The following COL7A1 variants were observed in gnomAD, a reference collection of about 807,000 sequenced individuals.
COL7A1 encodes the protein collagen type VII alpha 1 chain.
In COL7A1, 296 loss-of-function variants were observed where a neutral mutation model predicts 456.2. The observed-to-expected ratio is 0.65, with a 90% CI of 0.59 to 0.71. The LOEUF is 0.71. Among genes scored for constraint, COL7A1 ranks in the 30% least tolerant of loss-of-function variants. The pLI is 0.00. For synonymous variants in COL7A1, 1,464 were observed against 1,525.9 expected (o/e 0.96, Z 0.95); for missense variants, 3,441 against 4,017.2 (o/e 0.86, Z 3.88).
rs2045373000 is a variant in COL7A1, at chr3:48,587,681, G to C, written c.2857+112C>G. 2 of 1,594,384 alleles carry C rather than the reference G, an allele frequency of 1.3e-6. No individual in the cohort carries two copies. Among genetic ancestry groups the C allele is most frequent in the Admixed American group, 1.7e-5 (1 of 59,964 alleles). ...TGGGAGGTCATGCTGGGGTCACCCA[G>C]GGTCAGAGGGTGAGGGGTAGGGGTA... On this transcript the variant is annotated intron_variant, in intron 22 of 118. Coordinates refer to ENST00000681320, the MANE Select transcript of COL7A1 (RefSeq NM_000094.4). This position sits in a 1 kb window ranked among gnomAD's most constrained non-coding sequence, Gnocchi z 6.1.
In COL7A1 at chr3:48,574,942, C is replaced by G. The variant is rs879157051; in HGVS notation, c.6280-77G>C. 5 of 1,592,426 alleles carry G rather than the reference C, an allele frequency of 3.1e-6. No individual in the cohort carries two copies. In the South Asian group the frequency reaches 5.5e-5, roughly 18 times the overall value. On this transcript the variant is annotated intron_variant, in intron 76 of 118. Transcript: ENST00000681320. This position sits in a 1 kb window ranked among gnomAD's most constrained non-coding sequence, Gnocchi z 5.0. Reference sequence around the variant, plus strand: ...GGAGTCATCACAGATCTCAGGATCACAGAGGGTTATAGGGTCAGAAATTCC... The same window carrying G: ...GGAGTCATCACAGATCTCAGGATCAGAGAGGGTTATAGGGTCAGAAATTCC...
rs964417236 is a variant in COL7A1, at chr3:48,590,334, C to T, written c.1929G>A (p.Leu643=). 6.2e-7 allele frequency: 1 copy of T among 1,613,946 alleles called. No homozygotes were observed. The highest frequency in any genetic ancestry group is 1.7e-5 in the Admixed American group (1 of 59,992). ...TGSGPESSQT[L]PPDSTATDIT... is the part of the protein sequence containing the mutation. ...TGTCTGTGGCAGTAGAGTCTGGGGG[C>T]AGTGTCTGGCTGGACTCCGGACCTG... Residue 643 remains leucine (L), a synonymous_variant, in exon 16 of 119, where the codon CTG becomes CTA. Coordinates refer to ENST00000681320, the MANE Select transcript of COL7A1 (RefSeq NM_000094.4). The surrounding 1 kb of genome is among the most constrained non-coding windows in gnomAD (Gnocchi z 4.6).
rs758474433 is a variant in COL7A1, at chr3:48,564,362, C to T, written c.*44G>A. On this transcript the variant is annotated 3_prime_UTR_variant, in exon 119 of 119. Coordinates refer to ENST00000681320, the MANE Select transcript of COL7A1 (RefSeq NM_000094.4). This position sits in a 1 kb window ranked among gnomAD's most constrained non-coding sequence, Gnocchi z 6.0. ...GGACAGTGGGGTTCTGCTGAGACCC[C>T]GACTCCTCCAGGGGATGCTGAATCT... is the stretch of plus-strand genomic sequence containing the variant. 3 of 1,612,756 alleles carry T rather than the reference C, an allele frequency of 1.9e-6. No homozygotes were observed. The highest frequency in any genetic ancestry group is 2.2e-5 in the South Asian group (2 of 90,982).
At position 48,566,809 on chromosome 3, in the gene COL7A1, C is replaced by T; in HGVS notation, c.8227-72G>A. On this transcript the variant is annotated intron_variant, in intron 111 of 118. Transcript: ENST00000681320. The surrounding 1 kb of genome is among the most constrained non-coding windows in gnomAD (Gnocchi z 5.9). Reference sequence around the variant, plus strand: ...TCAGAGTCAGGCAGGTTGGGGGCCACAGCTTCAGAGGTTGGGGCAGGCAGG... The same window carrying T: ...TCAGAGTCAGGCAGGTTGGGGGCCATAGCTTCAGAGGTTGGGGCAGGCAGG... The T allele has an allele frequency of 6.3e-7, 1 of 1,597,196 alleles. No individual in the cohort carries two copies. Among genetic ancestry groups the T allele is most frequent in the Non-Finnish European group, 8.6e-7 (1 of 1,166,702 alleles).
rs745574548 is a variant in COL7A1 at position 48,573,317 on chromosome 3, C to T, written c.6650G>A (p.Arg2217Gln). ...GEPGETGPPG[R>Q]GLTGPTGAVG... ...TAACCTGTGAGCTAGGCCACTCACC[C>T]GTCCTGGAGGTCCTGTCTCTCCAGG... The change falls in exon 84 of 119, where the codon CGG (arginine) becomes CAG (glutamine). Residue 2217 changes from arginine (R) to glutamine (Q), a missense_variant and splice_region_variant. Coordinates refer to ENST00000681320, the MANE Select transcript of COL7A1 (RefSeq NM_000094.4). The surrounding 1 kb of genome is among the most constrained non-coding windows in gnomAD (Gnocchi z 5.5). The T allele has an allele frequency of 2.2e-5, 36 of 1,613,904 alleles. No homozygotes were observed. Among genetic ancestry groups the T allele is most frequent in the South Asian group, 1.4e-4 (13 of 91,086 alleles).
Position 48,594,252 on chromosome 3 carries a change from C to G in COL7A1, c.266+116G>C, listed in dbSNP as rs1388234138. The G allele has an allele frequency of 2.8e-5, 35 of 1,244,764 alleles. No homozygotes were observed. Among genetic ancestry groups the G allele is most frequent in the Non-Finnish European group, 3.5e-5 (31 of 879,392 alleles). 77.1% of individuals were successfully genotyped at this position (1,244,764 alleles called of 1,614,324 possible). Reference sequence around the variant, plus strand: ...GTCCTGGCTAGGGGGTCTCTAGGTTCCCCAAAACTTGTTTCTGCAAAGACC... The same window carrying G: ...GTCCTGGCTAGGGGGTCTCTAGGTTGCCCAAAACTTGTTTCTGCAAAGACC... On this transcript the variant is annotated intron_variant, in intron 3 of 118. Coordinates refer to ENST00000681320, the MANE Select transcript of COL7A1 (RefSeq NM_000094.4). This position sits in a 1 kb window ranked among gnomAD's most constrained non-coding sequence, Gnocchi z 5.5.
At position 48,564,431 on chromosome 3, in the gene COL7A1, G is replaced by A. The variant is rs1226656124; in HGVS notation, c.8819-9C>T. The A allele has an allele frequency of 6.2e-7, 1 of 1,613,914 alleles. No individual in the cohort carries two copies. Among genetic ancestry groups the A allele is most frequent in the Non-Finnish European group, 8.5e-7 (1 of 1,179,962 alleles). ...TCAGTCCTGGGCAGTACCTGGTGAGGACAGGTTGGAAACGGTCGTCAGCCA... is the reference window on the plus strand; with the variant it reads ...TCAGTCCTGGGCAGTACCTGGTGAGAACAGGTTGGAAACGGTCGTCAGCCA... On this transcript the variant is annotated splice_polypyrimidine_tract_variant and intron_variant, in intron 118 of 118. Coordinates refer to ENST00000681320, the MANE Select transcript of COL7A1 (RefSeq NM_000094.4). The surrounding 1 kb of genome is among the most constrained non-coding windows in gnomAD (Gnocchi z 6.0).
chr3:48,564,729 C>G lies in COL7A1; in HGVS notation c.8818+54G>C, dbSNP rs927182737. On this transcript the variant is annotated intron_variant, in intron 118 of 118. Transcript: ENST00000681320. This position sits in a 1 kb window ranked among gnomAD's most constrained non-coding sequence, Gnocchi z 6.0. ...GGCCCAAGGACTCCTCCCCCAGAACCCGATCCAGGCAGGCTCAGTGCCCAG... is the reference window on the plus strand; with the variant it reads ...GGCCCAAGGACTCCTCCCCCAGAACGCGATCCAGGCAGGCTCAGTGCCCAG... 2.5e-6 allele frequency: 4 copies of G among 1,575,644 alleles called. No individual in the cohort carries two copies. The African/African-American group carries it at 5.4e-5, about 21-fold the overall frequency.
Position 48,587,400 on chromosome 3 carries a change from A to C in COL7A1, c.2992+20T>G, listed in dbSNP as rs1442686992. On this transcript the variant is annotated intron_variant, in intron 23 of 118. Transcript: ENST00000681320. This position sits in a 1 kb window ranked among gnomAD's most constrained non-coding sequence, Gnocchi z 6.1. The stretch of plus-strand genomic sequence containing the variant: ...AGAGCCCCAACTGCCAGCCCACCCA[A>C]ATCCTGGCCTCCCCCTCACCCTGGC... The C allele has an allele frequency of 1.2e-6, 2 of 1,612,864 alleles. No homozygotes were observed. The highest frequency in any genetic ancestry group is 3.3e-5 in the Admixed American group (2 of 59,978).
In COL7A1 at chr3:48,574,553, G is replaced by A. The variant is rs777497919; in HGVS notation, c.6394-3C>T. On this transcript the variant is annotated splice_region_variant and splice_polypyrimidine_tract_variant and intron_variant, in intron 78 of 118. Coordinates refer to ENST00000681320, the MANE Select transcript of COL7A1 (RefSeq NM_000094.4). The surrounding 1 kb of genome is among the most constrained non-coding windows in gnomAD (Gnocchi z 5.0). ...TCTCCTTTGATGCCTGGCACACCCTGAAGGCAGAGTGTCGTGCCCTGAGCC... is the reference window on the plus strand; with the variant it reads ...TCTCCTTTGATGCCTGGCACACCCTAAAGGCAGAGTGTCGTGCCCTGAGCC... The A allele has an allele frequency of 6.2e-7, 1 of 1,613,926 alleles. No individual in the cohort carries two copies. Among genetic ancestry groups the A allele is most frequent in the South Asian group, 1.1e-5 (1 of 91,086 alleles).
chr3:48,587,421 C>T lies in COL7A1; in HGVS notation c.2991G>A (p.Gln997=). The T allele has an allele frequency of 6.2e-7, 1 of 1,613,258 alleles. No individual in the cohort carries two copies. The highest frequency in any genetic ancestry group is 8.5e-7 in the Non-Finnish European group (1 of 1,180,010). ...CCCAAATCCTGGCCTCCCCCTCACC[C>T]TGGCCAGGGCCTCTGAGTGGCCGCC... ...LSWRPLRGPG[Q]EVPGSPQTLP... The change falls in exon 23 of 119, where the codon CAG becomes CAA. Residue 997 remains glutamine (Q), a splice_region_variant and synonymous_variant. Transcript: ENST00000681320. The surrounding 1 kb of genome is among the most constrained non-coding windows in gnomAD (Gnocchi z 6.1).
Position 48,591,640 on chromosome 3 carries a change from C to T in COL7A1, c.1507+33G>A, listed in dbSNP as rs1357142373. The T allele has an allele frequency of 1.2e-6, 2 of 1,613,658 alleles. No homozygotes were observed. Among genetic ancestry groups the T allele is most frequent in the Non-Finnish European group, 1.7e-6 (2 of 1,180,010 alleles). ...GGCAGCCTGGGGCTCCGACACCTCC[C>T]CCACTCACTGGCCCAGCCCACAGAG... is the stretch of plus-strand genomic sequence containing the variant. On this transcript the variant is annotated intron_variant, in intron 12 of 118. Coordinates refer to ENST00000681320, the MANE Select transcript of COL7A1 (RefSeq NM_000094.4). This position sits in a 1 kb window ranked among gnomAD's most constrained non-coding sequence, Gnocchi z 7.0.
In COL7A1 at chr3:48,567,254, G is replaced by A. The variant is rs1181928897; in HGVS notation, c.8047-64C>T. 2 of 1,589,008 alleles carry A rather than the reference G, an allele frequency of 1.3e-6. No individual in the cohort carries two copies. Among genetic ancestry groups the A allele is most frequent in the African/African-American group, 2.7e-5 (2 of 74,400 alleles). On this transcript the variant is annotated intron_variant, in intron 109 of 118. Coordinates refer to ENST00000681320, the MANE Select transcript of COL7A1 (RefSeq NM_000094.4). This position sits in a 1 kb window ranked among gnomAD's most constrained non-coding sequence, Gnocchi z 4.3. Reference sequence around the variant, plus strand: ...CCTCCCTCAGCTCTGGAACCTCCCTGAACTCCCATGAGCTCCCTGGCCTAA... The same window carrying A: ...CCTCCCTCAGCTCTGGAACCTCCCTAAACTCCCATGAGCTCCCTGGCCTAA...
Position 48,570,641 on chromosome 3 carries a change from C to T in COL7A1, c.7342G>A (p.Val2448Met). The T allele has an allele frequency of 6.2e-7, 1 of 1,604,034 alleles. No individual in the cohort carries two copies. Among genetic ancestry groups the T allele is most frequent in the Non-Finnish European group, 8.5e-7 (1 of 1,174,696 alleles). ...PLGPPGPPGS[V>M]GPPGASGLKG... ...GGCTTTAGGGCACCTCTACTCACCA[C>T]TGACCCCGGTGGTCCAGGTGGCCCC... Residue 2448 changes from valine to methionine, a missense_variant and splice_region_variant, in exon 96 of 119, where the codon GTG becomes ATG. By Grantham distance (21) the Val-to-Met change is conservative. Coordinates refer to ENST00000681320, the MANE Select transcript of COL7A1 (RefSeq NM_000094.4). This position sits in a 1 kb window ranked among gnomAD's most constrained non-coding sequence, Gnocchi z 5.5.
rs749395019 is a variant in COL7A1, at chr3:48,565,098, C to G, written c.8620+11G>C. On this transcript the variant is annotated intron_variant, in intron 117 of 118. Transcript: ENST00000681320. The surrounding 1 kb of genome is among the most constrained non-coding windows in gnomAD (Gnocchi z 4.5). ...CCTCCCCAGACCCCGCTGGCAGCCC[C>G]CCATTCTCACCATCACTATCCCAAG... The G allele has an allele frequency of 6.2e-7, 1 of 1,613,888 alleles. No homozygotes were observed. The highest frequency in any genetic ancestry group is 8.5e-7 in the Non-Finnish European group (1 of 1,179,756).
chr3:48,584,791 G>A (rs1444073022), intron 34 of COL7A1, 22 bp from the exon 35 acceptor site: 5 of 1,614,022 alleles, frequency 3.1e-6, no homozygotes, highest in African/African-American at 1.3e-5. Context: ...ACAGAGCAGA[G>A]GGTGGTGCTT....
Position 48,583,913 on chromosome 3 carries a change from T to A in COL7A1, c.4265A>T (p.Glu1422Val), listed in dbSNP as rs1469836403. Reference protein sequence around the residue: ...GPGEGGIAPGEPGLPGLPGSP... With the variant: ...GPGEGGIAPGVPGLPGLPGSP... ...AAGGCCCCTCACCGGCAGCCCAGGC[T>A]CCCCAGGAGCAATGCCACCTTCACC... Residue 1422 changes from glutamate to valine, a missense_variant, in exon 39 of 119, where the codon GAG (glutamate) becomes GTG (valine). Around this residue, in one of 3 missense-constraint regions of COL7A1, gnomAD observed 2,084 missense variants for 2,501.3 expected, o/e 0.83. Coordinates refer to ENST00000681320, the MANE Select transcript of COL7A1 (RefSeq NM_000094.4). This position sits in a 1 kb window ranked among gnomAD's most constrained non-coding sequence, Gnocchi z 5.1. The A allele has an allele frequency of 6.2e-7, 1 of 1,613,680 alleles. No homozygotes were observed. The highest frequency in any genetic ancestry group is 1.3e-5 in the African/African-American group (1 of 74,836).
Position 48,590,702 on chromosome 3 carries a change from C to T in COL7A1, c.1751G>A (p.Gly584Asp). ...GCGGACAGTGAGGACACTGGCACTG[C>T]CCTCACGGGGACCCACTCGAGCAGA... ...RVSARVGPRE[G>D]SASVLTVRRE... The change falls in exon 14 of 119, where the codon GGC becomes GAC. Residue 584 changes from glycine to aspartate, a missense_variant. By Grantham distance (94) the Gly-to-Asp change is moderately conservative. Around this residue, in one of 3 missense-constraint regions of COL7A1, gnomAD observed 913 missense variants for 1,088.2 expected, o/e 0.84. Coordinates refer to ENST00000681320, the MANE Select transcript of COL7A1 (RefSeq NM_000094.4). This position sits in a 1 kb window ranked among gnomAD's most constrained non-coding sequence, Gnocchi z 4.6. The T allele has an allele frequency of 1.9e-6, 3 of 1,614,032 alleles. No homozygotes were observed. The highest frequency in any genetic ancestry group is 2.5e-6 in the Non-Finnish European group (3 of 1,180,038).
Position 48,564,456 on chromosome 3 carries a change from A to G in COL7A1, c.8819-34T>C, listed in dbSNP as rs201188427. The G allele has an allele frequency of 5.6e-6, 9 of 1,613,506 alleles. No individual in the cohort carries two copies. Among genetic ancestry groups the G allele is most frequent in the Middle Eastern group, 1.7e-4 (1 of 6,042 alleles). ...GACAGGTTGGAAACGGTCGTCAGCC[A>G]TCTGACCTTCCCCGGAGACGCTCAG... On this transcript the variant is annotated intron_variant, in intron 118 of 118. Coordinates refer to ENST00000681320, the MANE Select transcript of COL7A1 (RefSeq NM_000094.4). This position sits in a 1 kb window ranked among gnomAD's most constrained non-coding sequence, Gnocchi z 6.0.
Sources: gnomAD v4.1 joint callset for allele counts on GRCh38, gnomAD v4.1.1 for gene constraint, gnomAD v4.1.1 regional missense constraint, Gnocchi (gnomAD v3.1) non-coding constraint, MANE v1.5 for transcripts, NCBI Gene and HGNC (gene_info 2026-07-23, HGNC 2026-07-21) for gene names.